The following DOCK3 variants were observed in gnomAD, a reference collection of about 807,000 sequenced individuals.
DOCK3 encodes dedicator of cytokinesis 3.
A neutral mutation model predicts 265.6 loss-of-function variants in DOCK3; 60 were observed. That is an observed-to-expected ratio of 0.23 (90% CI 0.18 to 0.28). The LOEUF is 0.28. DOCK3 is among the 10% of genes least tolerant of loss of function. DOCK3 has a pLI of 1.00. For missense variants in DOCK3, 1,981 were observed against 2,594.3 expected, an observed-to-expected ratio of 0.76 and a Z score of 5.14; for synonymous variants, 881 against 938.0, an observed-to-expected ratio of 0.94 and a Z score of 1.11.
chr3:50,675,293 C>T lies in DOCK3; in HGVS notation c.30C>T (p.Tyr10=), dbSNP rs1391084180. 2 of 1,271,012 alleles carry T rather than the reference C, an allele frequency of 1.6e-6. No homozygotes were observed. The highest frequency in any genetic ancestry group is 2.0e-6 in the Non-Finnish European group (2 of 993,936). The allele number at this position is 1,271,012 out of a possible 1,614,324, so 78.7% of individuals were successfully genotyped here. A position where few individuals can be genotyped will look rare whatever the true frequency, so the allele number is the denominator to read the frequency against. The change falls in exon 1 of 53, where the codon TAC becomes TAT. Residue 10 remains tyrosine (Y), a synonymous_variant. Transcript: ENST00000266037. The surrounding 1 kb of genome is among the most constrained non-coding windows in gnomAD (Gnocchi z 6.1). ...GGACCCCCACGGAGGAGGAGAAATA[C>T]GGCGTAGGTAGGTGAGGCTCAGGCC... MWTPTEEEK[Y]GVVICSFRGS...
chr3:50,922,539 C>T (rs2050542898), intron 4 of DOCK3, among the ~76,000 whole-genome samples: 2 of 152,232 alleles, frequency 1.3e-5, no homozygotes, highest in Non-Finnish European at 2.9e-5. Context: ...TCGTGGGCTG[C>T]ACCCACTGTC....
At chr3:51,287,941 A>AT (rs2109093423) in intron 27 of DOCK3, among the ~76,000 whole-genome samples, 1 of 152,386 alleles carries the variant, frequency 6.6e-6, no homozygotes, top group South Asian at 2.1e-4. Flanking sequence ...ACACGTTGGA[A>AT]TACTACACAG....
chr3:50,680,268 A>G (rs1377685616), intron 1 of DOCK3, among the ~76,000 whole-genome samples: 1 of 146,194 alleles, frequency 6.8e-6, no homozygotes, highest in Non-Finnish European at 1.5e-5. Flanking sequence ...TTGGAGTGCA[A>G]TGGGGTGATC....
chr3:51,041,476 C>T (rs1481630936), intron 5 of DOCK3, among the ~76,000 whole-genome samples: 2 of 151,660 alleles, frequency 1.3e-5, no homozygotes, highest in East Asian at 3.9e-4. Context: ...CTCAGCTTCC[C>T]AAAGTGCTGG....
At chr3:51,061,882 C>T (rs1304495523) in intron 5 of DOCK3, among the ~76,000 whole-genome samples, 2 of 152,124 alleles carry the variant, frequency 1.3e-5, no homozygotes, top group Non-Finnish European at 2.9e-5. Flanking sequence ...CTTAGCATGT[C>T]CAAAATTAAA....
chr3:51,237,160 C>T (rs994082015), intron 20 of DOCK3, among the ~76,000 whole-genome samples: 5 of 151,474 alleles, frequency 3.3e-5, no homozygotes, highest in African/African-American at 9.7e-5. Flanking sequence ...TTGGGAATAC[C>T]TTATTGTTTA....
In DOCK3 at chr3:51,042,418, T is replaced by C. The variant is rs184738683; in HGVS notation, c.316-22030T>C. Among the ~76,000 whole-genome samples, 58 of 152,298 alleles carry C rather than the reference T, an allele frequency of 3.8e-4. 1 individual carries two copies. The highest frequency in any genetic ancestry group is 3.1e-3 in the Admixed American group (48 of 15,294). On this transcript the variant is annotated intron_variant, in intron 5 of 52. Transcript: ENST00000266037. ...TTAAAAACTGTCAATAAACTAGGTATTGAAAGAATATACCTCAAAATAATA... is the reference window on the plus strand; with the variant it reads ...TTAAAAACTGTCAATAAACTAGGTACTGAAAGAATATACCTCAAAATAATA...
intron 19 of DOCK3, among the ~76,000 whole-genome samples, chr3:51,230,642 G>C (rs1445965341): frequency 6.6e-6 from 1 of 152,012 alleles, no homozygotes; most frequent in Non-Finnish European, 1.5e-5. Context: ...TCAGGCTCCA[G>C]AGTAGCTAGG....
intron 5 of DOCK3, among the ~76,000 whole-genome samples, chr3:50,954,534 A>T (rs545016340): frequency 6.6e-6 from 1 of 152,238 alleles, no homozygotes; most frequent in African/African-American, 2.4e-5. Context: ...TGTGTGAATT[A>T]TATTATTTAT....
At chr3:50,726,290 A>G (rs1268369558) in intron 1 of DOCK3, among the ~76,000 whole-genome samples, 4 of 152,282 alleles carry the variant, frequency 2.6e-5, no homozygotes, top group South Asian at 4.1e-4. Flanking sequence ...TCAGCCATTC[A>G]GAAGAAGGGA....
intron 12 of DOCK3, among the ~76,000 whole-genome samples, chr3:51,184,731 C>T (rs941688116): frequency 6.6e-6 from 1 of 152,164 alleles, no homozygotes; most frequent in Non-Finnish European, 1.5e-5. Context: ...CATAATTCCC[C>T]ACTCCTTAAG....
At position 51,316,989 on chromosome 3, in the gene DOCK3, T is replaced by C. The variant is rs188713875; in HGVS notation, c.3402+1861T>C. Among the ~76,000 whole-genome samples, 746 of 152,262 alleles carry C rather than the reference T, an allele frequency of 4.9e-3. 5 individuals carry two copies. The highest frequency in any genetic ancestry group is 0.017 in the African/African-American group (706 of 41,570). ...AGTCCAGTTTGTCAATGTTTTTCTT[T>C]TATAGATCATGCTTTTGGGGTCATA... On this transcript the variant is annotated intron_variant, in intron 32 of 52. Transcript: ENST00000266037.
chr3:50,739,860 A>G (rs1051620103), intron 1 of DOCK3, among the ~76,000 whole-genome samples: 7 of 152,142 alleles, frequency 4.6e-5, no homozygotes, highest in Non-Finnish European at 1.0e-4. Flanking sequence ...ATTCACCTTG[A>G]CATTAAAAAA....
chr3:51,286,405 T>C (rs1252827112), intron 27 of DOCK3, among the ~76,000 whole-genome samples: 1 of 152,086 alleles, frequency 6.6e-6, no homozygotes, highest in Admixed American at 6.5e-5. Context: ...CTCAAAGCAA[T>C]TTACAGATTC....
chr3:50,808,210 TAAG>T (rs532754602), intron 2 of DOCK3, among the ~76,000 whole-genome samples: 143 of 152,260 alleles, frequency 9.4e-4, no homozygotes, highest in African/African-American at 3.3e-3. Context: ...TGATAAAAAT[TAAG>T]ATCTAAACAA....
intron 14 of DOCK3, among the ~76,000 whole-genome samples, chr3:51,218,899 T>C (rs2089941640): frequency 6.6e-6 from 1 of 152,154 alleles, no homozygotes; most frequent in Non-Finnish European, 1.5e-5. Flanking sequence ...GACCTGGCAA[T>C]TTGCATCTCT....
chr3:51,324,920 C>T (rs182104401), intron 32 of DOCK3, among the ~76,000 whole-genome samples: 2 of 152,114 alleles, frequency 1.3e-5, no homozygotes, highest in African/African-American at 2.4e-5. Context: ...ATTAACTCAA[C>T]GTGGATTAAA....
At chr3:50,950,265 T>C (rs369481783) in intron 5 of DOCK3, among the ~76,000 whole-genome samples, 73 of 152,278 alleles carry the variant, frequency 4.8e-4, no homozygotes, top group African/African-American at 1.7e-3. Context: ...CTGATTCAAA[T>C]TTTTAAAAAT....
chr3:51,319,684 G>A (rs1201715641), intron 32 of DOCK3, among the ~76,000 whole-genome samples: 1 of 152,066 alleles, frequency 6.6e-6, no homozygotes. Flanking sequence ...GGCCAACATG[G>A]TGAAACCCCG....
Sources: gnomAD v4.1 joint callset for allele counts (sites outside exome capture counted in the v4.1 genomes callset) on GRCh38, gnomAD v4.1.1 for gene constraint, Gnocchi (gnomAD v3.1) non-coding constraint, MANE v1.5 for transcripts, NCBI Gene and HGNC (gene_info 2026-07-23, HGNC 2026-07-21) for gene names.